GRIK4: variants seen among roughly 807,000 people sequenced by gnomAD.
GRIK4 encodes glutamate ionotropic receptor kainate type subunit 4.
In GRIK4, 40 loss-of-function variants were observed where a neutral mutation model predicts 104.9. The ratio of observed to expected loss-of-function variants is 0.38; its 90% CI spans 0.30 to 0.50. The LOEUF (loss-of-function observed/expected upper bound fraction) is 0.50. Among genes scored for constraint, GRIK4 ranks in the 20% least tolerant of loss-of-function variants. GRIK4 has a pLI of 0.93. For missense variants in GRIK4, 1,047 were observed against 1,308.1 expected (o/e 0.80, Z 3.08); for synonymous variants, 485 against 524.9 (o/e 0.92, Z 1.04).
chr11:120,730,236 T>C (rs1202310138), intron 3 of GRIK4, among the ~76,000 whole-genome samples: 1 of 152,084 alleles, frequency 6.6e-6, no homozygotes, highest in African/African-American at 2.4e-5. Flanking sequence ...TGTCTACCTG[T>C]AGTCACAGCT....
chr11:120,551,532 G>A (rs1434898789), intron 1 of GRIK4, among the ~76,000 whole-genome samples: 1 of 152,168 alleles, frequency 6.6e-6, no homozygotes, highest in Non-Finnish European at 1.5e-5. Flanking sequence ...TGCAATCCCA[G>A]CACTTTGGGA....
intron 14 of GRIK4, among the ~76,000 whole-genome samples, chr11:120,943,430 G>A (rs1241135096): frequency 6.6e-6 from 1 of 152,150 alleles, no homozygotes; most frequent in African/African-American, 2.4e-5. Context: ...GGGAGATATG[G>A]TTAGAATAAG....
At chr11:120,946,318 G>A (rs139489840) in intron 14 of GRIK4, among the ~76,000 whole-genome samples, 5 of 152,260 alleles carry the variant, frequency 3.3e-5, no homozygotes, top group South Asian at 2.1e-4. Flanking sequence ...GCCAAACTGG[G>A]ATTAAGTGTT....
At chr11:120,690,942 A>G (rs1196477817) in intron 3 of GRIK4, among the ~76,000 whole-genome samples, 2 of 152,138 alleles carry the variant, frequency 1.3e-5, no homozygotes, top group Admixed American at 1.3e-4. Context: ...TATTATGTTC[A>G]TTTAACCTCC....
chr11:120,632,030 C>T (rs549085408), intron 1 of GRIK4, among the ~76,000 whole-genome samples: 2 of 152,154 alleles, frequency 1.3e-5, no homozygotes, highest in Non-Finnish European at 1.5e-5. Flanking sequence ...ATGGCAGTAC[C>T]CACTGCTGTG....
intron 13 of GRIK4, chr11:120,936,275 C>T (rs1201791642): frequency 2.0e-6 from 1 of 510,018 alleles, no homozygotes; most frequent in Non-Finnish European, 3.9e-6. Flanking sequence ...CATCTTCCAG[C>T]TCCTTTGCAA....
chr11:120,961,374 A>G (rs543432569), intron 17 of GRIK4, among the ~76,000 whole-genome samples: 2 of 152,324 alleles, frequency 1.3e-5, no homozygotes, highest in East Asian at 1.9e-4. Context: ...ATTAATGGCC[A>G]TTAGAAAAAA....
intron 11 of GRIK4, among the ~76,000 whole-genome samples, chr11:120,891,187 G>A (rs527972134): frequency 8.5e-5 from 13 of 152,322 alleles, no homozygotes; most frequent in Admixed American, 2.6e-4. Context: ...ACACCCAGGT[G>A]AGCCTGTGGG....
chr11:120,550,717 C>T (rs1315644116), intron 1 of GRIK4, among the ~76,000 whole-genome samples: 1 of 151,794 alleles, frequency 6.6e-6, no homozygotes, highest in Non-Finnish European at 1.5e-5. Context: ...GGGAGTCACA[C>T]GGGAGAAGCA....
intron 1 of GRIK4, among the ~76,000 whole-genome samples, chr11:120,533,428 G>C (rs1160700201): frequency 6.6e-6 from 1 of 152,226 alleles, no homozygotes; most frequent in Non-Finnish European, 1.5e-5. Flanking sequence ...GCTGAGCCTA[G>C]AGATATGGGC....
In GRIK4 at chr11:120,838,033, A is replaced by G. The variant is rs77681712; in HGVS notation, c.744+1189A>G. Among the ~76,000 whole-genome samples, 702 of 152,332 alleles carry G rather than the reference A, an allele frequency of 4.6e-3. 4 individuals are homozygous for G. The highest frequency in any genetic ancestry group is 0.01 in the Middle Eastern group (3 of 294). On this transcript the variant is annotated intron_variant, in intron 8 of 20. Transcript: ENST00000527524. ...GATGGAAGGAAGCCATTCATTTGGA[A>G]TATGAGTTCCCAGGACAGTCACCGG...
chr11:120,717,295 T>C (rs1950851870), intron 3 of GRIK4, among the ~76,000 whole-genome samples: 1 of 152,210 alleles, frequency 6.6e-6, no homozygotes, highest in African/African-American at 2.4e-5. Flanking sequence ...GAACAGGCTT[T>C]CAGAAGGGCA....
intron 1 of GRIK4, among the ~76,000 whole-genome samples, chr11:120,614,058 C>T (rs1399514492): frequency 6.6e-6 from 1 of 152,176 alleles, no homozygotes; most frequent in Non-Finnish European, 1.5e-5. Flanking sequence ...TATGTAAGCT[C>T]AGCCTGCATC....
chr11:120,527,821 C>T (rs114607378), intron 1 of GRIK4, among the ~76,000 whole-genome samples: 1,778 of 152,306 alleles, frequency 0.012, 30 homozygotes, highest in African/African-American at 0.039. Context: ...TGGTCCCACT[C>T]ACGGGTGGAG....
At chr11:120,794,509 G>A (rs1369495908) in intron 3 of GRIK4, among the ~76,000 whole-genome samples, 2 of 151,866 alleles carry the variant, frequency 1.3e-5, no homozygotes, top group African/African-American at 4.9e-5. Flanking sequence ...TTAAAACGAG[G>A]TTGTTAGGTT....
intron 3 of GRIK4, among the ~76,000 whole-genome samples, chr11:120,764,693 T>G (rs1370967029): frequency 6.6e-6 from 1 of 152,112 alleles, no homozygotes; most frequent in Non-Finnish European, 1.5e-5. Context: ...TATAAAGGAT[T>G]TTATTTCTCT....
At chr11:120,736,173 C>G (rs189776601) in intron 3 of GRIK4, among the ~76,000 whole-genome samples, 153 of 152,156 alleles carry the variant, frequency 1.0e-3, no homozygotes, top group African/African-American at 3.4e-3. Context: ...AGGACTGGGT[C>G]CTTCCCTTCA....
chr11:120,813,341 C>T (rs2135530197), intron 4 of GRIK4, among the ~76,000 whole-genome samples: 1 of 152,200 alleles, frequency 6.6e-6, no homozygotes, highest in Admixed American at 6.5e-5. Flanking sequence ...CCCCACTCCC[C>T]CAAGGCAGTT....
At chr11:120,960,599 C>G (rs1039470494) in intron 16 of GRIK4, among the ~76,000 whole-genome samples, 6 of 152,210 alleles carry the variant, frequency 3.9e-5, no homozygotes, top group Admixed American at 6.5e-5. Flanking sequence ...TTCACTAGCT[C>G]ATTTCTCACA....
Sources: gnomAD v4.1 joint callset for allele counts (sites outside exome capture counted in the v4.1 genomes callset) on GRCh38, gnomAD v4.1.1 for gene constraint, MANE v1.5 for transcripts, NCBI Gene and HGNC (gene_info 2026-07-23, HGNC 2026-07-21) for gene names.